Variants in PLEKHA2 observed in about 807,000 individuals in gnomAD.
PLEKHA2 encodes the protein pleckstrin homology domain containing A2.
PLEKHA2 carries 28 observed loss-of-function variants against 53.2 expected under a neutral mutation model. The observed-to-expected ratio is 0.53, with a 90% confidence interval of 0.39 to 0.72. The LOEUF (loss-of-function observed/expected upper bound fraction) is 0.72. Ranked by LOEUF, PLEKHA2 falls within the 30% of genes least tolerant of loss-of-function variation. The pLI is 0.00. For synonymous variants in PLEKHA2, 193 were observed against 196.4 expected (o/e 0.98, Z 0.14); for missense variants, 426 against 537.9 (o/e 0.79, Z 2.06).
intron 10 of PLEKHA2, among the ~76,000 whole-genome samples, chr8:38,965,756 T>C (rs1835124241): frequency 6.6e-6 from 1 of 152,122 alleles, no homozygotes; most frequent in Non-Finnish European, 1.5e-5. Flanking sequence ...TATCTGTAAA[T>C]GGTGGCGTTT....
chr8:38,918,562 T>C (rs1281091825), intron 2 of PLEKHA2, among the ~76,000 whole-genome samples: 125 of 5,364 alleles, frequency 0.023, 4 homozygotes, highest in South Asian at 0.034. Context: ...ACACACACAT[T>C]ATACACACAC....
intron 1 of PLEKHA2, among the ~76,000 whole-genome samples, chr8:38,907,760 C>A (rs200023144): frequency 2.6e-4 from 36 of 140,674 alleles, no homozygotes; most frequent in South Asian, 4.5e-4. Context: ...GACCATATCT[C>A]AAAAAAAAAA....
intron 3 of PLEKHA2, among the ~76,000 whole-genome samples, chr8:38,940,574 G>A (rs897385274): frequency 2.1e-5 from 3 of 145,424 alleles, no homozygotes; most frequent in Admixed American, 7.4e-5. Context: ...GCCAAAGCAA[G>A]AAAATGAGTG....
chr8:38,952,460 A>T, intron 7 of PLEKHA2, 148 bp downstream of exon 7: 1 of 1,367,696 alleles, frequency 7.3e-7, no homozygotes, highest in Non-Finnish European at 9.9e-7. Context: ...TTTGGGACTG[A>T]CCTTTGGCTC....
chr8:38,955,722 C>G (rs1171135396), intron 9 of PLEKHA2, among the ~76,000 whole-genome samples: 1 of 152,234 alleles, frequency 6.6e-6, no homozygotes, highest in East Asian at 1.9e-4. Flanking sequence ...CAGGCTTTCT[C>G]ATTCATAAAG....
At chr8:38,958,090 C>T (rs550980706) in intron 10 of PLEKHA2, among the ~76,000 whole-genome samples, 2 of 152,202 alleles carry the variant, frequency 1.3e-5, no homozygotes, top group East Asian at 1.9e-4. Context: ...TTTGGGAGGC[C>T]GAGGTGGGCG....
chr8:38,956,788 G>A (rs771758578), intron 9 of PLEKHA2, among the ~76,000 whole-genome samples: 2 of 152,128 alleles, frequency 1.3e-5, no homozygotes, highest in South Asian at 2.1e-4. Flanking sequence ...TCAGACCTAG[G>A]TTCCAAATCT....
At chr8:38,965,025 T>G (rs1835109921) in intron 10 of PLEKHA2, among the ~76,000 whole-genome samples, 1 of 152,162 alleles carries the variant, frequency 6.6e-6, no homozygotes, top group Admixed American at 6.6e-5. Context: ...CAGCCGATTT[T>G]AATTTTTTAT....
chr8:38,959,836 G>A (rs1346857427), intron 10 of PLEKHA2, among the ~76,000 whole-genome samples: 1 of 152,236 alleles, frequency 6.6e-6, no homozygotes, highest in Non-Finnish European at 1.5e-5. Flanking sequence ...CATGGCACCA[G>A]TCATTGTAAC....
chr8:38,927,497 C>T (rs1356390507), intron 2 of PLEKHA2, among the ~76,000 whole-genome samples: 1 of 151,984 alleles, frequency 6.6e-6, no homozygotes, highest in African/African-American at 2.4e-5. Flanking sequence ...CAGAGCAAGA[C>T]CCTGTCTCAA....
intron 1 of PLEKHA2, among the ~76,000 whole-genome samples, chr8:38,916,448 T>TCTA (rs1834064707): frequency 1.3e-5 from 2 of 152,096 alleles, no homozygotes; most frequent in South Asian, 4.2e-4. Flanking sequence ...TAACCACCCT[T>TCTA]CTACTCTCTA....
intron 10 of PLEKHA2, among the ~76,000 whole-genome samples, chr8:38,961,917 A>AT (rs1564156156): frequency 6.6e-6 from 1 of 152,204 alleles, no homozygotes; most frequent in East Asian, 1.9e-4. Context: ...AAAAGCTACC[A>AT]TTTTTTGGAC....
intron 5 of PLEKHA2, among the ~76,000 whole-genome samples, chr8:38,950,019 T>G (rs7016725): frequency 0.011 from 1,609 of 152,266 alleles, 23 homozygotes; most frequent in African/African-American, 0.037. Flanking sequence ...CCCAGCTTCA[T>G]GTTCCTGGTT....
chr8:38,917,943 A>G lies in PLEKHA2; in HGVS notation c.14A>G (p.Asp5Gly), dbSNP rs1834089969. 5 of 1,613,498 alleles carry G rather than the reference A, an allele frequency of 3.1e-6. No individual in the cohort carries two copies. The highest frequency in any genetic ancestry group is 4.2e-6 in the Non-Finnish European group (5 of 1,179,664). Residue 5 changes from aspartate (D) to glycine (G), a missense_variant, in exon 2 of 12, where the codon GAT (aspartate) becomes GGT (glycine). Physicochemically the swap from Asp to Gly is moderately conservative, Grantham distance 94 (BLOSUM62 -1). Coordinates refer to ENST00000617275, the MANE Select transcript of PLEKHA2 (RefSeq NM_021623.2). Reference protein sequence around the residue: MPYVDRQNRICGFLD... With the variant: MPYVGRQNRICGFLD... ...CAGAGCCCAGGAATGCCTTATGTGG[A>G]TCGGCAGAACCGAATCTGTGGGTTT...
At chr8:38,966,389 C>G (rs982773095) in intron 10 of PLEKHA2, among the ~76,000 whole-genome samples, 4 of 151,896 alleles carry the variant, frequency 2.6e-5, no homozygotes, top group Non-Finnish European at 5.9e-5. Flanking sequence ...CACCAATGCA[C>G]GCGTGTGTGT....
intron 2 of PLEKHA2, 32 bp downstream of exon 2, chr8:38,918,102 C>A: frequency 6.9e-6 from 11 of 1,603,348 alleles, no homozygotes; most frequent in Non-Finnish European, 9.4e-6. Context: ...GGTGGGGCGA[C>A]TGGGTGCCCA....
At chr8:38,936,348 G>A (rs1023934136) in intron 3 of PLEKHA2, among the ~76,000 whole-genome samples, 1 of 152,172 alleles carries the variant, frequency 6.6e-6, no homozygotes, top group Non-Finnish European at 1.5e-5. Context: ...GCTGGGGTAG[G>A]GGTAGTACAT....
At chr8:38,936,223 G>C (rs1363783890) in intron 3 of PLEKHA2, among the ~76,000 whole-genome samples, 173 bp downstream of exon 3, 2 of 152,202 alleles carry the variant, frequency 1.3e-5, no homozygotes, top group Admixed American at 6.5e-5. Context: ...ATGGGTGGCT[G>C]TAGAGGTATG....
At chr8:38,949,869 CA>C (rs1209929825) in intron 5 of PLEKHA2, among the ~76,000 whole-genome samples, 1 of 152,006 alleles carries the variant, frequency 6.6e-6, no homozygotes, top group Non-Finnish European at 1.5e-5. Flanking sequence ...TGATGGTTGC[CA>C]AAGGTCTCTC....
Sources: gnomAD v4.1 joint callset for allele counts (sites outside exome capture counted in the v4.1 genomes callset) on GRCh38, gnomAD v4.1.1 for gene constraint, MANE v1.5 for transcripts, NCBI Gene and HGNC (gene_info 2026-07-23, HGNC 2026-07-21) for gene names.